Variants in HFM1 observed in about 807,000 individuals in gnomAD.
HFM1 encodes helicase for meiosis 1.
In HFM1, 169 loss-of-function variants were observed where a neutral mutation model predicts 192.1. The observed-to-expected ratio is 0.88, with a 90% CI of 0.78 to 1.00. The LOEUF is 1.00. Ranked by LOEUF, HFM1 falls within the 50% of genes least tolerant of loss-of-function variation. HFM1 has a pLI of 0.00. For synonymous variants in HFM1, 525 were observed against 537.8 expected, an observed-to-expected ratio of 0.98 and a Z score of 0.33; for missense variants, 1,661 against 1,668.0, an observed-to-expected ratio of 1.00 and a Z score of 0.07.
chr1:91,379,542 G>T (rs957998578), intron 8 of HFM1, among the ~76,000 whole-genome samples: 1 of 151,978 alleles, frequency 6.6e-6, no homozygotes, highest in Non-Finnish European at 1.5e-5. Flanking sequence ...GTGCTGGGCC[G>T]CATTCAAAGC....
At chr1:91,369,290 A>G (rs1659833666) in intron 13 of HFM1, among the ~76,000 whole-genome samples, 1 of 152,194 alleles carries the variant, frequency 6.6e-6, no homozygotes, top group Non-Finnish European at 1.5e-5. Context: ...AATAAACAGA[A>G]TATACATTCT....
intron 25 of HFM1, among the ~76,000 whole-genome samples, chr1:91,317,949 T>A (rs2060997): frequency 0.2 from 30,106 of 152,074 alleles, 3,723 homozygotes; most frequent in South Asian, 0.35. Flanking sequence ...ACAGGTTAGT[T>A]TCAACAATCT....
At chr1:91,396,473 T>C in intron 2 of HFM1, 68 bp from the exon 3 acceptor site, 1 of 795,262 alleles carries the variant, frequency 1.3e-6, no homozygotes, top group Non-Finnish European at 2.0e-6. Context: ...TATGTGTTTA[T>C]TAAACATTAC....
At chr1:91,403,796 T>C (rs1664557950) in intron 1 of HFM1, among the ~76,000 whole-genome samples, 1 of 152,212 alleles carries the variant, frequency 6.6e-6, no homozygotes, top group South Asian at 2.1e-4. Flanking sequence ...TCTAGTTAAA[T>C]ATTAATACAA....
rs1047581571 is a variant in HFM1 at position 91,291,409 on chromosome 1, T to G, written c.3392-14347A>C. On this transcript the variant is annotated intron_variant, in intron 30 of 38. Coordinates refer to ENST00000370425, the MANE Select transcript of HFM1 (RefSeq NM_001017975.6). ...CACAGAAATACAAACTACCATCAGA[T>G]AATACTACAAACACCTCTACGCAAA... Among the ~76,000 whole-genome samples, 110 of 152,170 alleles carry G rather than the reference T, an allele frequency of 7.2e-4. 1 individual carries two copies. Among genetic ancestry groups the G allele is most frequent in the Middle Eastern group, 6.8e-3 (2 of 294 alleles).
chr1:91,390,177 C>T lies in HFM1; in HGVS notation c.494+3916G>A, dbSNP rs537406019. Among the ~76,000 whole-genome samples, 84 of 152,230 alleles carry T rather than the reference C, an allele frequency of 5.5e-4. 1 individual carries two copies. The highest frequency in any genetic ancestry group is 1.9e-3 in the African/African-American group (81 of 41,548). ...AATACTGGCCAGGCATGGTAGCTTA[C>T]GCCTGTAATCCCAATACTGGGAGGC... On this transcript the variant is annotated intron_variant, in intron 4 of 38. Transcript: ENST00000370425.
intron 13 of HFM1, among the ~76,000 whole-genome samples, chr1:91,365,459 T>C (rs1415706758): frequency 2.6e-5 from 4 of 152,142 alleles, no homozygotes; most frequent in Non-Finnish European, 4.4e-5. Flanking sequence ...TAACATCATG[T>C]TGTAAACCTC....
At chr1:91,400,041 G>C (rs1209396426) in intron 2 of HFM1, among the ~76,000 whole-genome samples, 1 of 152,072 alleles carries the variant, frequency 6.6e-6, no homozygotes, top group East Asian at 1.9e-4. Context: ...TAGATTTTAA[G>C]TACTTTGTAA....
chr1:91,285,872 G>A (rs1026718212), intron 30 of HFM1, among the ~76,000 whole-genome samples: 1 of 152,084 alleles, frequency 6.6e-6, no homozygotes, highest in African/African-American at 2.4e-5. Flanking sequence ...TCATTCCTTT[G>A]CCCAGCATAT....
chr1:91,270,964 A>G (rs1666235985), intron 34 of HFM1, among the ~76,000 whole-genome samples: 1 of 152,130 alleles, frequency 6.6e-6, no homozygotes, highest in Non-Finnish European at 1.5e-5. Flanking sequence ...TGGGGACTCT[A>G]GAATTCTGTT....
intron 30 of HFM1, among the ~76,000 whole-genome samples, chr1:91,308,831 T>C (rs899832927): frequency 3.3e-5 from 5 of 152,202 alleles, no homozygotes; most frequent in Non-Finnish European, 7.3e-5. Flanking sequence ...AAGTTTCCCT[T>C]TCCCTCTGTC....
At chr1:91,368,564 C>T (rs187192053) in intron 13 of HFM1, among the ~76,000 whole-genome samples, 1 of 152,064 alleles carries the variant, frequency 6.6e-6, no homozygotes, top group Non-Finnish European at 1.5e-5. Flanking sequence ...TTTTTGTCAC[C>T]ACCAGCCCTG....
intron 30 of HFM1, among the ~76,000 whole-genome samples, chr1:91,297,871 A>T (rs2101001858): frequency 6.6e-6 from 1 of 152,338 alleles, no homozygotes; most frequent in East Asian, 1.9e-4. Context: ...GGAAACTCTA[A>T]AATTCAGAGC....
intron 30 of HFM1, among the ~76,000 whole-genome samples, chr1:91,303,915 G>A (rs931826632): frequency 8.6e-5 from 13 of 151,944 alleles, no homozygotes; most frequent in Admixed American, 3.3e-4. Flanking sequence ...GCATGATCTT[G>A]GCTCACTGCA....
At chr1:91,300,327 G>A (rs904798215) in intron 30 of HFM1, among the ~76,000 whole-genome samples, 4 of 152,146 alleles carry the variant, frequency 2.6e-5, no homozygotes, top group African/African-American at 9.7e-5. Flanking sequence ...AGGACCAGAT[G>A]GATTCACAAC....
chr1:91,315,168 A>G (rs1259424867), intron 28 of HFM1, among the ~76,000 whole-genome samples: 10 of 152,196 alleles, frequency 6.6e-5, no homozygotes, highest in Non-Finnish European at 1.3e-4. Flanking sequence ...CCTCCTCTAC[A>G]GAATACGGAC....
In HFM1 at chr1:91,384,372, C is replaced by CA. The variant is rs1661922732; in HGVS notation, c.802+814dup. Among the ~76,000 whole-genome samples, 7 of 152,182 alleles carry CA rather than the reference C, an allele frequency of 4.6e-5. No homozygotes were observed. The South Asian group carries it at 1.5e-3, about 32-fold the overall frequency. On this transcript the variant is annotated intron_variant, in intron 6 of 38. Coordinates refer to ENST00000370425, the MANE Select transcript of HFM1 (RefSeq NM_001017975.6). ...AGGCATACACAGGGTATTAAAGAAGCAAAAACAATGTTACCTCCAGAACAC... is the reference window on the plus strand; with the variant it reads ...AGGCATACACAGGGTATTAAAGAAGCAAAAAACAATGTTACCTCCAGAACAC...
At chr1:91,283,124 T>C (rs1667614429) in intron 30 of HFM1, among the ~76,000 whole-genome samples, 1 of 152,168 alleles carries the variant, frequency 6.6e-6, no homozygotes, top group Non-Finnish European at 1.5e-5. Flanking sequence ...AAAATAAAAG[T>C]GCTCCCTTTA....
intron 34 of HFM1, among the ~76,000 whole-genome samples, chr1:91,268,974 T>C (rs1666022531): frequency 6.6e-6 from 1 of 152,152 alleles, no homozygotes; most frequent in South Asian, 2.1e-4. Flanking sequence ...TTTCAAATAC[T>C]AGAAGAATAT....
Sources: allele counts gnomAD v4.1 joint callset (sites outside exome capture counted in the v4.1 genomes callset), GRCh38; gene constraint gnomAD v4.1.1; transcripts MANE v1.5; gene names NCBI Gene and HGNC (gene_info 2026-07-23, HGNC 2026-07-21).